ATG7: variants seen among roughly 807,000 people sequenced by gnomAD.
ATG7 encodes ubiquitin-like modifier-activating enzyme ATG7.
A neutral mutation model predicts 82.4 loss-of-function variants in ATG7; 70 were observed. The observed-to-expected ratio is 0.85, with a 90% confidence interval of 0.70 to 1.04. ATG7 has a LOEUF of 1.04. ATG7 is among the 50% of genes least tolerant of loss of function. ATG7 has a pLI of 0.00. For missense variants in ATG7, 792 were observed against 864.3 expected (o/e 0.92, Z 1.05); for synonymous variants, 287 against 313.0 (o/e 0.92, Z 0.88).
rs2072505118 is a variant in ATG7 at position 11,557,131 on chromosome 3, G to A, written c.*2288G>A. The A allele has an allele frequency of 6.6e-6, 1 of 152,618 alleles. No homozygotes were observed. Among genetic ancestry groups the A allele is most frequent in the Non-Finnish European group, 1.5e-5 (1 of 68,044 alleles). The allele number at this position is 152,618 out of a possible 1,614,324, so 9.5% of individuals were successfully genotyped here. ...GGTGGGACACAGCACACCCCAGGGG[G>A]AGGGGATAGAAACGCTCATTGACCA... On this transcript the variant is annotated 3_prime_UTR_variant, in exon 21 of 21. Coordinates refer to ENST00000693202, the MANE Select transcript of ATG7 (RefSeq NM_001349232.2).
intron 19 of ATG7, among the ~76,000 whole-genome samples, chr3:11,412,491 A>C (rs2081007069): frequency 6.6e-6 from 1 of 151,914 alleles, no homozygotes. Flanking sequence ...TGCGCTCTCT[A>C]TTCTGTTTCG....
chr3:11,532,342 CAG>C (rs1455714564), intron 20 of ATG7, among the ~76,000 whole-genome samples: 8 of 152,080 alleles, frequency 5.3e-5, no homozygotes, highest in Admixed American at 3.3e-4. Context: ...TGGCCCAAAA[CAG>C]AGGAGGAAAC....
At chr3:11,302,985 T>TAAG (rs1947026885) in intron 5 of ATG7, among the ~76,000 whole-genome samples, 1 of 152,232 alleles carries the variant, frequency 6.6e-6, no homozygotes, top group Non-Finnish European at 1.5e-5. Flanking sequence ...GCCCAAACAC[T>TAAG]AAGAAGTTCA....
chr3:11,550,410 A>C (rs1231605760), intron 20 of ATG7, among the ~76,000 whole-genome samples: 1 of 151,128 alleles, frequency 6.6e-6, no homozygotes, highest in Non-Finnish European at 1.5e-5. Context: ...AATTTTATTT[A>C]TTTCTTTGAG....
intron 20 of ATG7, among the ~76,000 whole-genome samples, chr3:11,551,798 G>T (rs545530213): frequency 4.6e-5 from 7 of 151,958 alleles, no homozygotes; most frequent in South Asian, 2.1e-4. Flanking sequence ...GCCCAGGCTG[G>T]AGTATAGTGG....
chr3:11,331,844 TCATGTCATTAAGGAAATAAAAATTAAA>T, intron 10 of ATG7, among the ~76,000 whole-genome samples: 1 of 152,202 alleles, frequency 6.6e-6, no homozygotes, highest in Non-Finnish European at 1.5e-5. Flanking sequence ...ATGCCCAACA[TCATGTCATTAAGGAAATAAAAATTAAA>T]ACCATAATGA....
intron 20 of ATG7, among the ~76,000 whole-genome samples, chr3:11,533,540 A>T (rs1200032481): frequency 4.0e-4 from 3 of 7,528 alleles, no homozygotes; most frequent in African/African-American, 1.1e-3. Flanking sequence ...CCCTTCTGTT[A>T]AAAAAAAAAA....
intron 20 of ATG7, among the ~76,000 whole-genome samples, chr3:11,440,856 G>A (rs1363662533): frequency 6.6e-6 from 1 of 151,030 alleles, no homozygotes; most frequent in Non-Finnish European, 1.5e-5. Flanking sequence ...GCTAGTTTTT[G>A]TATTTTTAGT....
At chr3:11,275,719 C>T (rs1941635270) in intron 1 of ATG7, among the ~76,000 whole-genome samples, 1 of 152,038 alleles carries the variant, frequency 6.6e-6, no homozygotes. Context: ...ATTGTATAAT[C>T]AAGGGACAAT....
At chr3:11,394,716 AT>A (rs1380104323) in intron 19 of ATG7, among the ~76,000 whole-genome samples, 1 of 152,230 alleles carries the variant, frequency 6.6e-6, no homozygotes, top group East Asian at 1.9e-4. Context: ...ATTTCACATT[AT>A]TTAAGTGGCC....
At chr3:11,558,595 G>A (rs1349257080), downstream of ATG7, 25 of 1,605,332 alleles carry the variant, frequency 1.6e-5, no homozygotes, top group Non-Finnish European at 1.9e-5. Flanking sequence ...GGCTGACCAT[G>A]TGGGCAGAGG....
intron 18 of ATG7, among the ~76,000 whole-genome samples, chr3:11,369,725 G>A (rs1235394501): frequency 1.3e-5 from 2 of 151,138 alleles, no homozygotes; most frequent in Admixed American, 6.6e-5. Context: ...TAATGTCAGC[G>A]TTCAGAAGCA....
chr3:11,559,758 G>A (rs144935406), downstream of ATG7, among the ~76,000 whole-genome samples: 316 of 152,242 alleles, frequency 2.1e-3, no homozygotes, highest in African/African-American at 6.9e-3. Flanking sequence ...GACAAACACC[G>A]GGCATCCTGT....
intron 5 of ATG7, among the ~76,000 whole-genome samples, chr3:11,300,313 T>A (rs1375263199): frequency 1.4e-5 from 2 of 147,174 alleles, no homozygotes; most frequent in African/African-American, 2.7e-5. Context: ...TTTTTCTCTC[T>A]TTTTTCAGAT....
At chr3:11,445,284 G>A (rs544601129) in intron 20 of ATG7, among the ~76,000 whole-genome samples, 15 of 152,246 alleles carry the variant, frequency 9.9e-5, no homozygotes, top group African/African-American at 2.6e-4. Flanking sequence ...TCACAATAGC[G>A]AAGACATAGA....
chr3:11,572,106 T>G, the ATG7 span, among the ~76,000 whole-genome samples: 1 of 151,872 alleles, frequency 6.6e-6, no homozygotes, highest in African/African-American at 2.4e-5. Context: ...AGACCCTGTC[T>G]CAAAAAAAAA....
chr3:11,458,596 A>G (rs144230099), intron 20 of ATG7, among the ~76,000 whole-genome samples: 226 of 152,342 alleles, frequency 1.5e-3, no homozygotes, highest in African/African-American at 5.1e-3. Context: ...CAGCTCAGCT[A>G]TTAACACATT....
At chr3:11,280,920 A>G (rs1942928879) in intron 1 of ATG7, 74 bp from the exon 2 acceptor site, 1 of 152,248 alleles carries the variant, frequency 6.6e-6, no homozygotes, top group South Asian at 2.1e-4. Context: ...TCTAATTAAC[A>G]TTAATTAATT....
intron 16 of ATG7, 37 bp downstream of exon 16, chr3:11,360,821 T>C: frequency 6.2e-7 from 1 of 1,607,626 alleles, no homozygotes; most frequent in Non-Finnish European, 8.5e-7. Context: ...ATATTTCCTA[T>C]CACCAACTTG....
Sources: gnomAD v4.1 joint callset for allele counts (sites outside exome capture counted in the v4.1 genomes callset) on GRCh38, gnomAD v4.1.1 for gene constraint, MANE v1.5 for transcripts, NCBI Gene and HGNC (gene_info 2026-07-23, HGNC 2026-07-21) for gene names.